Variants in TNFRSF10D observed in about 807,000 individuals in gnomAD.
The protein encoded by TNFRSF10D is tumor necrosis factor receptor superfamily member 10D.
TNFRSF10D carries 28 observed loss-of-function variants against 42.1 expected under a neutral mutation model. The ratio of observed to expected loss-of-function variants is 0.66; its 90% CI spans 0.49 to 0.91. TNFRSF10D has a LOEUF of 0.91. TNFRSF10D is among the 40% of genes least tolerant of loss of function. The pLI is 0.00. For synonymous variants in TNFRSF10D, 186 were observed against 189.4 expected (o/e 0.98, Z 0.15); for missense variants, 503 against 486.1 (o/e 1.03, Z -0.33).
chr8:23,148,064 CCCAA>C (rs1563357942), intron 3 of TNFRSF10D, among the ~76,000 whole-genome samples: 3 of 49,212 alleles, frequency 6.1e-5, no homozygotes, highest in African/African-American at 1.0e-4. Context: ...GACTCCGTCT[CCCAA>C]AAAAAAAAAA....
chr8:23,158,195 T>C (rs1278244291), intron 1 of TNFRSF10D, among the ~76,000 whole-genome samples: 1 of 152,218 alleles, frequency 6.6e-6, no homozygotes, highest in Non-Finnish European at 1.5e-5. Context: ...ACTCCTGCTC[T>C]GAAACTTGCC....
chr8:23,142,213 G>C (rs1291932901), intron 7 of TNFRSF10D, among the ~76,000 whole-genome samples: 1 of 152,098 alleles, frequency 6.6e-6, no homozygotes, highest in Non-Finnish European at 1.5e-5. Flanking sequence ...GGAGGTTGCA[G>C]TGAGCCGAGA....
In TNFRSF10D at chr8:23,144,610, G is replaced by C; in HGVS notation, c.794C>G (p.Pro265Arg). 1 of 1,614,114 alleles carries C rather than the reference G, an allele frequency of 6.2e-7. No homozygotes were observed. ...GTCCTCCGCCCCAGGAACTCGTGAA[G>C]GACATGAACGCCGCCGGAAAAGGAC... ...HRVLFRRRSC[P>R]SRVPGAEDNA... The change falls in exon 7 of 9, where the codon CCT becomes CGT. Residue 265 changes from proline to arginine, a missense_variant. Physicochemically the swap from Pro to Arg is moderately radical, Grantham distance 103. Transcript: ENST00000312584.
chr8:23,139,862 AGCACCGG>A (rs1814413275), intron 7 of TNFRSF10D, among the ~76,000 whole-genome samples: 1 of 152,190 alleles, frequency 6.6e-6, no homozygotes, highest in Admixed American at 6.5e-5. Context: ...AAAAATCAGT[AGCACCGG>A]GCACCGTGGC....
intron 1 of TNFRSF10D, among the ~76,000 whole-genome samples, chr8:23,159,109 C>T (rs888874779): frequency 6.0e-3 from 904 of 151,382 alleles, no homozygotes; most frequent in African/African-American, 0.019. Flanking sequence ...GTGTGTGTGT[C>T]TGTGTCTGTG....
chr8:23,147,502 G>A (rs1271328136), intron 3 of TNFRSF10D, among the ~76,000 whole-genome samples: 3 of 152,158 alleles, frequency 2.0e-5, no homozygotes, highest in Non-Finnish European at 4.4e-5. Context: ...GCCTGGCCAC[G>A]GAGCAGACCT....
intron 7 of TNFRSF10D, 34 bp from the exon 8 acceptor site, chr8:23,138,294 G>C (rs763754937): frequency 6.2e-7 from 1 of 1,613,394 alleles, no homozygotes; most frequent in South Asian, 1.1e-5. Flanking sequence ...TCTGGTCAGA[G>C]TCAGGAGTCC....
In TNFRSF10D at chr8:23,145,084, C is replaced by A. The variant is rs763585528; in HGVS notation, c.742G>T (p.Gly248Ter). 11 of 1,614,100 alleles carry A rather than the reference C, an allele frequency of 6.8e-6. No individual in the cohort carries two copies. The East Asian group carries it at 2.2e-4, about 33-fold the overall frequency. Residue 248 changes from glycine (G) to a stop codon, truncating the protein, a stop_gained, in exon 6 of 9, where the codon GGA (glycine) becomes TGA (stop). Coordinates refer to ENST00000312584, the MANE Select transcript of TNFRSF10D (RefSeq NM_003840.5). LOFTEE classifies it high-confidence loss of function. Reference protein sequence around the residue: ...SYLKGICSGGGGGPERVHRVL... With the variant: ...SYLKGICSGG ...CTGTGCACACGTTCGGGACCTCCTC[C>A]ACCACCTGGAAAAGAAGCAGTCTCC...
At chr8:23,149,074 T>A (rs367602597) in intron 2 of TNFRSF10D, among the ~76,000 whole-genome samples, 2 of 147,940 alleles carry the variant, frequency 1.4e-5, no homozygotes, top group African/African-American at 5.0e-5. Flanking sequence ...CCTGTAATCC[T>A]AGCTACTCGG....
Position 23,150,822 on chromosome 8 carries a change from G to A in TNFRSF10D, c.257-2271C>T, listed in dbSNP as rs530878471. ...TGATTAATCGGAAGAAAGAATCAGT[G>A]AGCTTGAAAACAGATCATTTGAAAT... On this transcript the variant is annotated intron_variant, in intron 2 of 8. Coordinates refer to ENST00000312584, the MANE Select transcript of TNFRSF10D (RefSeq NM_003840.5). Among the ~76,000 whole-genome samples, 61 of 151,894 alleles carry A rather than the reference G, an allele frequency of 4.0e-4. 1 individual carries two copies. Among genetic ancestry groups the A allele is most frequent in the African/African-American group, 1.4e-3 (56 of 41,422 alleles).
chr8:23,142,752 A>C (rs1800048359), intron 7 of TNFRSF10D, among the ~76,000 whole-genome samples: 1 of 152,258 alleles, frequency 6.6e-6, no homozygotes, highest in South Asian at 2.1e-4. Flanking sequence ...AGGAAAAATA[A>C]AAAATGAAAA....
intron 6 of TNFRSF10D, 106 bp downstream of exon 6, chr8:23,144,952 C>G: frequency 6.5e-7 from 1 of 1,530,170 alleles, no homozygotes; most frequent in Non-Finnish European, 9.0e-7. Flanking sequence ...GTCAGAGAGT[C>G]AGGGCAGCCA....
At chr8:23,148,716 AC>A (rs571360731) in intron 2 of TNFRSF10D, among the ~76,000 whole-genome samples, 165 bp from the exon 3 acceptor site, 96 of 152,002 alleles carry the variant, frequency 6.3e-4, no homozygotes, top group Middle Eastern at 3.4e-3. Context: ...ACTATTACAT[AC>A]CTTTGACTGG....
rs188147554 is a variant in TNFRSF10D, at chr8:23,145,936, A to G, written c.483-15T>C. On this transcript the variant is annotated splice_polypyrimidine_tract_variant and intron_variant, in intron 4 of 8. Coordinates refer to ENST00000312584, the MANE Select transcript of TNFRSF10D (RefSeq NM_003840.5). The stretch of plus-strand genomic sequence containing the variant: ...CTCTGGGACACCTGGGTACACACAG[A>G]GAGGGAGACAGGGACTCTTGATGGA... The G allele has an allele frequency of 6.0e-4, 969 of 1,611,156 alleles. No homozygotes were observed. In the African/African-American group the frequency reaches 8.3e-3, roughly 14 times the overall value.
chr8:23,136,148 T>C lies in TNFRSF10D; in HGVS notation c.*1722A>G, dbSNP rs543270042. 1,545 of 283,068 alleles carry C rather than the reference T, an allele frequency of 5.5e-3. No individual in the cohort carries two copies. The highest frequency in any genetic ancestry group is 0.021 in the African/African-American group (927 of 45,214). 17.5% of individuals were successfully genotyped at this position (283,068 alleles called of 1,614,324 possible). On this transcript the variant is annotated 3_prime_UTR_variant, in exon 9 of 9. Coordinates refer to ENST00000312584, the MANE Select transcript of TNFRSF10D (RefSeq NM_003840.5). ...AAGACTGAAACCCCTAGAATGACTA[T>C]ATCCGTAATTTATCCTACCACGACT...
chr8:23,146,671 T>G (rs530625147), intron 4 of TNFRSF10D, among the ~76,000 whole-genome samples: 2 of 152,072 alleles, frequency 1.3e-5, no homozygotes, highest in Non-Finnish European at 2.9e-5. Context: ...CTAGGTTGCC[T>G]GAAAAGGTTC....
At chr8:23,146,871 C>A in intron 4 of TNFRSF10D, 90 bp downstream of exon 4, 1 of 1,142,462 alleles carries the variant, frequency 8.8e-7, no homozygotes, top group Non-Finnish European at 1.3e-6. Flanking sequence ...CTGGAGGATC[C>A]ATGGGGTCAG....
rs193260859 is a variant in TNFRSF10D at position 23,142,014 on chromosome 8, G to C, written c.954+2436C>G. Among the ~76,000 whole-genome samples the C allele has an allele frequency of 9.1e-4, 138 of 152,318 alleles. 1 individual carries two copies. In the South Asian group the frequency reaches 0.015, roughly 16 times the overall value. On this transcript the variant is annotated intron_variant, in intron 7 of 8. Coordinates refer to ENST00000312584, the MANE Select transcript of TNFRSF10D (RefSeq NM_003840.5). ...CTGCTGGGCGCGGTGGCTCACACCT[G>C]TAATCCCAGCACTTTGGGAGGCCGA...
intron 7 of TNFRSF10D, among the ~76,000 whole-genome samples, chr8:23,139,394 C>T (rs560070602): frequency 1.6e-4 from 24 of 152,036 alleles, no homozygotes; most frequent in South Asian, 4.2e-4. Flanking sequence ...TGAGGTTTTT[C>T]GGGAGGGAAG....
Sources: gnomAD v4.1 joint callset for allele counts (sites outside exome capture counted in the v4.1 genomes callset) on GRCh38, gnomAD v4.1.1 for gene constraint, MANE v1.5 for transcripts, NCBI Gene and HGNC (gene_info 2026-07-23, HGNC 2026-07-21) for gene names.